The following ZNF423 variants were observed in gnomAD, a reference collection of about 807,000 sequenced individuals.
The protein encoded by ZNF423 is zinc finger protein 423.
Under a neutral mutation model 95.8 loss-of-function variants are expected in ZNF423, and 12 were observed. The ratio of observed to expected loss-of-function variants is 0.13; its 90% CI spans 0.08 to 0.20. ZNF423 has a LOEUF of 0.20. ZNF423 is among the 10% of genes least tolerant of loss of function. The pLI, the probability that ZNF423 is intolerant of heterozygous loss-of-function variation, is 1.00. For synonymous variants in ZNF423, 749 were observed against 711.9 expected (o/e 1.05, Z -0.83); for missense variants, 1,316 against 1,737.1 (o/e 0.76, Z 4.31).
intron 3 of ZNF423, among the ~76,000 whole-genome samples, chr16:49,669,096 G>A (rs962977598): frequency 2.6e-5 from 4 of 152,018 alleles, no homozygotes; most frequent in Non-Finnish European, 4.4e-5. Flanking sequence ...TTGGGAGGCC[G>A]AGGCAGGCAG....
At position 49,500,744 on chromosome 16, in the gene ZNF423, G is replaced by GA. The variant is rs34335955; in HGVS notation, c.3850-9441dup. ...AGCCTGGGTGAAACCCCATCTCTAC[G>GA]AAAAAAAAAAAAAATTAGGTGGGTG... is the stretch of plus-strand genomic sequence containing the variant. On this transcript the variant is annotated intron_variant, in intron 7 of 7. Transcript: ENST00000563137. 4.9e-3 allele frequency among the ~76,000 whole-genome samples: 693 copies of GA among 142,840 alleles called. 2 individuals carry two copies. Among genetic ancestry groups the GA allele is most frequent in the African/African-American group, 7.8e-3 (304 of 38,982 alleles). The allele number at this position is 142,840 out of a possible 152,430, so 93.7% of individuals were successfully genotyped here.
At chr16:49,807,041 A>C (rs2034675335) in intron 1 of ZNF423, among the ~76,000 whole-genome samples, 1 of 151,994 alleles carries the variant, frequency 6.6e-6, no homozygotes, top group African/African-American at 2.4e-5. Flanking sequence ...AAAAAAAAAA[A>C]AGTGCACAGC....
intron 2 of ZNF423, among the ~76,000 whole-genome samples, chr16:49,769,211 C>T (rs1477831353): frequency 4.0e-5 from 6 of 151,798 alleles, no homozygotes; most frequent in South Asian, 2.1e-4. Context: ...AAAAATTAGC[C>T]GGGCGTGGTG....
intron 5 of ZNF423, among the ~76,000 whole-genome samples, chr16:49,591,644 T>G (rs1971013941): frequency 1.3e-5 from 2 of 152,150 alleles, no homozygotes; most frequent in African/African-American, 4.8e-5. Context: ...ATGGGCATTA[T>G]AACTGCACTG....
chr16:49,631,463 G>A (rs1422215265), intron 4 of ZNF423, among the ~76,000 whole-genome samples: 1 of 151,554 alleles, frequency 6.6e-6, no homozygotes, highest in African/African-American at 2.4e-5. Flanking sequence ...CCCCCACTAG[G>A]AGATATAATT....
chr16:49,676,228 C>T (rs527475104), intron 3 of ZNF423, among the ~76,000 whole-genome samples: 2 of 152,352 alleles, frequency 1.3e-5, no homozygotes, highest in African/African-American at 4.8e-5. Context: ...GCAGCTCTGC[C>T]CTTGCAGCTG....
chr16:49,799,341 T>A (rs1275895341), intron 1 of ZNF423, among the ~76,000 whole-genome samples: 2 of 152,200 alleles, frequency 1.3e-5, no homozygotes, highest in African/African-American at 4.8e-5. Flanking sequence ...CTGCTGAGGT[T>A]TCACTCTCCC....
intron 1 of ZNF423, among the ~76,000 whole-genome samples, chr16:49,794,792 A>G (rs1362301554): frequency 1.2e-4 from 18 of 152,182 alleles, no homozygotes; most frequent in Admixed American, 9.2e-4. Context: ...CTCCCTCACT[A>G]GGGCATGGAC....
intron 1 of ZNF423, among the ~76,000 whole-genome samples, chr16:49,821,449 C>T (rs553914332): frequency 6.6e-6 from 1 of 152,142 alleles, no homozygotes; most frequent in East Asian, 1.9e-4. Flanking sequence ...CCAACTGATT[C>T]CATGCAAGCT....
chr16:49,706,652 T>C (rs1299505271), intron 3 of ZNF423, among the ~76,000 whole-genome samples: 1 of 152,180 alleles, frequency 6.6e-6, no homozygotes, highest in African/African-American at 2.4e-5. Flanking sequence ...TTATCATCCA[T>C]TCATAAAAAA....
chr16:49,620,671 C>T (rs1036844743), intron 5 of ZNF423, among the ~76,000 whole-genome samples: 4 of 152,208 alleles, frequency 2.6e-5, no homozygotes, highest in Non-Finnish European at 4.4e-5. Flanking sequence ...CCAAGGGGCC[C>T]GTGAGGCCCT....
chr16:49,831,295 C>A (rs2035058580), intron 1 of ZNF423, among the ~76,000 whole-genome samples: 2 of 152,276 alleles, frequency 1.3e-5, no homozygotes, highest in African/African-American at 4.8e-5. Context: ...CTTTGTAAAT[C>A]TCTCTTTACT....
At chr16:49,511,625 C>T (rs544334884) in intron 7 of ZNF423, among the ~76,000 whole-genome samples, 1 of 152,222 alleles carries the variant, frequency 6.6e-6, no homozygotes, top group Non-Finnish European at 1.5e-5. Flanking sequence ...CAGGCCTGTG[C>T]CTTGGGCCTT....
At chr16:49,738,365 A>G (rs1413524049) in intron 2 of ZNF423, among the ~76,000 whole-genome samples, 1 of 152,218 alleles carries the variant, frequency 6.6e-6, no homozygotes, top group Non-Finnish European at 1.5e-5. Flanking sequence ...TCGGGGACCC[A>G]GATTCCGGTC....
At chr16:49,765,858 G>T (rs2033919942) in intron 2 of ZNF423, among the ~76,000 whole-genome samples, 1 of 152,180 alleles carries the variant, frequency 6.6e-6, no homozygotes, top group Non-Finnish European at 1.5e-5. Flanking sequence ...ACTCACATGA[G>T]GGCCTGGCTG....
intron 5 of ZNF423, among the ~76,000 whole-genome samples, chr16:49,625,306 T>TCG (rs1482961920): frequency 6.6e-6 from 1 of 152,140 alleles, no homozygotes; most frequent in East Asian, 1.9e-4. Context: ...TGAGCAAAGA[T>TCG]TGCACCACTG....
Position 49,603,601 on chromosome 16 carries a change from G to A in ZNF423, c.3601+22569C>T, listed in dbSNP as rs145274836. ...ATTTTTGTGTTTTTAGTAGAGACGCGGTTTCACCATGTTGGCCAGGCTGGT... is the reference window on the plus strand; with the variant it reads ...ATTTTTGTGTTTTTAGTAGAGACGCAGTTTCACCATGTTGGCCAGGCTGGT... On this transcript the variant is annotated intron_variant, in intron 5 of 7. Transcript: ENST00000563137. The surrounding 1 kb of genome is among the most constrained non-coding windows in gnomAD (Gnocchi z 4.1). Among the ~76,000 whole-genome samples, 359 of 152,206 alleles carry A rather than the reference G, an allele frequency of 2.4e-3. 2 individuals are homozygous for A. The highest frequency in any genetic ancestry group is 8.3e-3 in the African/African-American group (346 of 41,526).
chr16:49,772,391 C>A (rs546581306), intron 2 of ZNF423, among the ~76,000 whole-genome samples: 1 of 152,244 alleles, frequency 6.6e-6, no homozygotes, highest in Non-Finnish European at 1.5e-5. Context: ...AATACCTGCA[C>A]AGTCACACTC....
At chr16:49,619,516 G>C (rs989537913) in intron 5 of ZNF423, among the ~76,000 whole-genome samples, 1 of 152,056 alleles carries the variant, frequency 6.6e-6, no homozygotes, top group Non-Finnish European at 1.5e-5. Flanking sequence ...AGTCCTTTGG[G>C]CTGGTTCTCT....
Sources: allele counts gnomAD v4.1 joint callset (sites outside exome capture counted in the v4.1 genomes callset), GRCh38; gene constraint gnomAD v4.1.1; non-coding constraint Gnocchi (gnomAD v3.1); transcripts MANE v1.5; gene names NCBI Gene and HGNC (gene_info 2026-07-23, HGNC 2026-07-21).